Variants in NCOA1 observed in about 807,000 individuals in gnomAD.
NCOA1 encodes nuclear receptor coactivator 1.
Under a neutral mutation model 150.9 loss-of-function variants are expected in NCOA1, and 35 were observed. The observed-to-expected ratio is 0.23, with a 90% CI of 0.18 to 0.31. The LOEUF is 0.31. Ranked by LOEUF, NCOA1 falls within the 10% of genes least tolerant of loss-of-function variation. The pLI is 1.00. For synonymous variants in NCOA1, 590 were observed against 630.0 expected (o/e 0.94, Z 0.95); for missense variants, 1,491 against 1,749.3 (o/e 0.85, Z 2.63).
intron 1 of NCOA1, among the ~76,000 whole-genome samples, chr2:24,545,796 T>C (rs1665583437): frequency 6.6e-6 from 1 of 152,200 alleles, no homozygotes; most frequent in Admixed American, 6.5e-5. Flanking sequence ...ATTAGATTTA[T>C]TTACTTATTT....
intron 3 of NCOA1, among the ~76,000 whole-genome samples, chr2:24,635,401 G>A (rs1219417390): frequency 3.3e-5 from 5 of 151,996 alleles, no homozygotes; most frequent in Non-Finnish European, 7.4e-5. Context: ...CTGTTCTGGG[G>A]ATCCTGAATC....
At chr2:24,652,969 A>G (rs1670775817) in intron 4 of NCOA1, among the ~76,000 whole-genome samples, 1 of 152,174 alleles carries the variant, frequency 6.6e-6, no homozygotes, top group Admixed American at 6.5e-5. Context: ...TGTTTTGTAA[A>G]CAGGAAGCAG....
intron 14 of NCOA1, among the ~76,000 whole-genome samples, chr2:24,725,178 T>C (rs1364852289): frequency 6.6e-6 from 1 of 152,148 alleles, no homozygotes; most frequent in Non-Finnish European, 1.5e-5. Context: ...TTATTCTTCA[T>C]TCATTCGAAT....
rs1027702809 is a variant in NCOA1, at chr2:24,491,273, G to A, written c.-725G>A. Among the ~76,000 whole-genome samples the A allele has an allele frequency of 6.8e-6, 1 of 147,310 alleles. No homozygotes were observed. The highest frequency in any genetic ancestry group is 2.4e-5 in the African/African-American group (1 of 40,918). ...GGCGGCGGCGGCGGTGGCGGCCGAG[G>A]AGGAGAACATGGCGGCCGCGGAGAG... is the stretch of plus-strand genomic sequence containing the variant. On this transcript the variant is annotated 5_prime_UTR_variant, in exon 1 of 23. Transcript: ENST00000348332.
intron 3 of NCOA1, among the ~76,000 whole-genome samples, chr2:24,608,340 G>T (rs1240067115): frequency 6.7e-6 from 1 of 150,084 alleles, no homozygotes; most frequent in Non-Finnish European, 1.5e-5. Flanking sequence ...GAGTGCAGTG[G>T]TGCGATCTCT....
chr2:24,623,339 T>C (rs1257795616), intron 3 of NCOA1, among the ~76,000 whole-genome samples: 1 of 152,210 alleles, frequency 6.6e-6, no homozygotes, highest in African/African-American at 2.4e-5. Flanking sequence ...TAAGTATAGA[T>C]TGGTGAGACA....
intron 13 of NCOA1, 149 bp downstream of exon 13, chr2:24,708,037 C>A: frequency 2.0e-6 from 2 of 1,000,744 alleles, no homozygotes; most frequent in Non-Finnish European, 2.8e-6. Flanking sequence ...AATAACTGAT[C>A]ACAGGATGCC....
chr2:24,606,602 T>C (rs1432197696), intron 3 of NCOA1, among the ~76,000 whole-genome samples: 1 of 152,174 alleles, frequency 6.6e-6, no homozygotes, highest in East Asian at 1.9e-4. Flanking sequence ...TCATGAGATA[T>C]ATTAATCTTT....
intron 17 of NCOA1, among the ~76,000 whole-genome samples, chr2:24,736,802 C>T (rs1448806368): frequency 6.6e-6 from 1 of 152,324 alleles, no homozygotes; most frequent in East Asian, 1.9e-4. Flanking sequence ...AGTACCTCCT[C>T]TCTTAGTTGT....
chr2:24,746,481 G>A (rs1172083314), intron 19 of NCOA1, among the ~76,000 whole-genome samples: 1 of 152,218 alleles, frequency 6.6e-6, no homozygotes, highest in Non-Finnish European at 1.5e-5. Context: ...GGCGGAGGTT[G>A]CAGCGAGCCA....
intron 16 of NCOA1, among the ~76,000 whole-genome samples, chr2:24,729,142 A>T (rs1662862048): frequency 6.6e-6 from 1 of 152,270 alleles, no homozygotes; most frequent in Admixed American, 6.5e-5. Flanking sequence ...CTGAGATAGA[A>T]AAATGCCTGC....
intron 8 of NCOA1, 75 bp downstream of exon 8, chr2:24,683,203 A>T: frequency 1.2e-6 from 1 of 829,870 alleles, no homozygotes; most frequent in Non-Finnish European, 1.7e-6. Flanking sequence ...ATAATATGTG[A>T]TTATTATATT....
At chr2:24,735,597 C>T (rs1436293369) in intron 17 of NCOA1, among the ~76,000 whole-genome samples, 2 of 151,882 alleles carry the variant, frequency 1.3e-5, no homozygotes, top group Non-Finnish European at 2.9e-5. Context: ...ATACTTTTTA[C>T]TCCTTGTGTA....
intron 1 of NCOA1, among the ~76,000 whole-genome samples, chr2:24,500,869 C>G (rs1663430644): frequency 6.6e-6 from 1 of 152,102 alleles, no homozygotes; most frequent in Non-Finnish European, 1.5e-5. Flanking sequence ...AAATTTAATG[C>G]TGTAGGGAAA....
At chr2:24,692,859 G>A (rs774896876) in intron 9 of NCOA1, among the ~76,000 whole-genome samples, 2 of 152,114 alleles carry the variant, frequency 1.3e-5, no homozygotes, top group African/African-American at 4.8e-5. Flanking sequence ...GCTGTAACAC[G>A]TTTTTGTTTT....
rs267599299 is a variant in NCOA1, at chr2:24,706,990, C to T, written c.1520C>T (p.Ser507Phe). The T allele has an allele frequency of 6.2e-7, 1 of 1,614,152 alleles. No individual in the cohort carries two copies. The highest frequency in any genetic ancestry group is 8.5e-7 in the Non-Finnish European group (1 of 1,180,020). ...LATRPRMPNN[S>F]FPPNISTLSS... ...ACAAGGCCCAGGATGCCAAACAATT[C>T]CTTTCCTCCTAATATTTCGACATTA... Residue 507 changes from serine (S) to phenylalanine (F), a missense_variant, in exon 13 of 23, where the codon TCC becomes TTC. This residue lies in a region of NCOA1 where 703 missense variants were observed against 717.7 expected (regional missense o/e 0.98). Coordinates refer to ENST00000348332, the MANE Select transcript of NCOA1 (RefSeq NM_003743.5).
intron 3 of NCOA1, among the ~76,000 whole-genome samples, chr2:24,628,256 TGCCATTG>T: frequency 6.6e-6 from 1 of 150,692 alleles, no homozygotes; most frequent in African/African-American, 2.4e-5. Context: ...GCCAAGATTG[TGCCATTG>T]CACTCCAGTC....
chr2:24,750,901 C>G (rs1259425488), intron 19 of NCOA1, among the ~76,000 whole-genome samples: 5 of 139,430 alleles, frequency 3.6e-5, no homozygotes, highest in Non-Finnish European at 4.6e-5. Flanking sequence ...TAGATTAAGT[C>G]TGAATAAAGC....
chr2:24,514,952 CAG>C (rs1351393195), intron 1 of NCOA1, among the ~76,000 whole-genome samples: 2 of 152,030 alleles, frequency 1.3e-5, no homozygotes, highest in African/African-American at 4.8e-5. Flanking sequence ...AGCTTAAAGA[CAG>C]AGATGGTACG....
Sources: gnomAD v4.1 joint callset for allele counts (sites outside exome capture counted in the v4.1 genomes callset) on GRCh38, gnomAD v4.1.1 for gene constraint, gnomAD v4.1.1 regional missense constraint, MANE v1.5 for transcripts, NCBI Gene and HGNC (gene_info 2026-07-23, HGNC 2026-07-21) for gene names.